Variants in AFAP1L2 observed in about 807,000 individuals in gnomAD.
AFAP1L2 encodes the protein actin filament-associated protein 1-like 2.
A neutral mutation model predicts 99.3 loss-of-function variants in AFAP1L2; 46 were observed. That is an observed-to-expected ratio of 0.46 (90% confidence interval 0.37 to 0.59). The LOEUF (loss-of-function observed/expected upper bound fraction) is 0.59, where lower values mean the gene tolerates loss of function less well. AFAP1L2 is among the 20% of genes least tolerant of loss of function. AFAP1L2 has a pLI of 0.00. For synonymous variants in AFAP1L2, 397 were observed against 419.1 expected (o/e 0.95, Z 0.64); for missense variants, 959 against 1,034.9 (o/e 0.93, Z 1.01).
rs991922367 is a variant in AFAP1L2 at position 114,400,180 on chromosome 10, G to A, written c.16+4260C>T. On this transcript the variant is annotated intron_variant, in intron 1 of 18. Coordinates refer to ENST00000304129, the MANE Select transcript of AFAP1L2 (RefSeq NM_001001936.3). Reference sequence around the variant, plus strand: ...AAAGAAACATTTCCCGTTATGAAAGGGAATTGGAAGAAAACTGGCACAGCT... The same window carrying A: ...AAAGAAACATTTCCCGTTATGAAAGAGAATTGGAAGAAAACTGGCACAGCT... Among the ~76,000 whole-genome samples, 42 of 152,296 alleles carry A rather than the reference G, an allele frequency of 2.8e-4. 1 individual carries two copies. The highest frequency in any genetic ancestry group is 1.2e-4 in the Non-Finnish European group (8 of 68,026).
intron 1 of AFAP1L2, among the ~76,000 whole-genome samples, chr10:114,387,696 T>C (rs376413840): frequency 1.2e-4 from 18 of 152,322 alleles, no homozygotes; most frequent in African/African-American, 3.6e-4. Context: ...TGTCCAAGCC[T>C]GATATGAACC....
the AFAP1L2 span, chr10:114,285,825 C>G: frequency 4.3e-6 from 5 of 1,172,994 alleles, no homozygotes; most frequent in South Asian, 6.5e-5. Context: ...GCTTGGGGGG[C>G]CCACAGTTTC....
chr10:114,349,849 T>C (rs2050197607), intron 1 of AFAP1L2, among the ~76,000 whole-genome samples: 1 of 152,160 alleles, frequency 6.6e-6, no homozygotes, highest in Non-Finnish European at 1.5e-5. Context: ...GCACTGTGAA[T>C]GCTCTGCTCC....
intron 7 of AFAP1L2, among the ~76,000 whole-genome samples, chr10:114,311,249 C>T (rs1267870034): frequency 6.6e-6 from 1 of 152,130 alleles, no homozygotes; most frequent in East Asian, 1.9e-4. Flanking sequence ...ACTATGAAAG[C>T]ATTGCCTCAG....
intron 1 of AFAP1L2, among the ~76,000 whole-genome samples, chr10:114,372,992 T>C (rs2054319790): frequency 6.6e-6 from 1 of 152,232 alleles, no homozygotes; most frequent in African/African-American, 2.4e-5. Flanking sequence ...ATGGAATGGA[T>C]GCAATGTATG....
intron 18 of AFAP1L2, chr10:114,296,682 C>T (rs151318623): frequency 9.2e-5 from 34 of 370,760 alleles, no homozygotes; most frequent in African/African-American, 6.2e-4. Flanking sequence ...ATAATCTGTC[C>T]CTGAGCTGCA....
At chr10:114,369,232 G>A (rs2053741264) in intron 1 of AFAP1L2, among the ~76,000 whole-genome samples, 1 of 152,078 alleles carries the variant, frequency 6.6e-6, no homozygotes, top group Non-Finnish European at 1.5e-5. Flanking sequence ...CAAGGTGGTG[G>A]GAAACATTGA....
At position 114,340,639 on chromosome 10, in the gene AFAP1L2, G is replaced by A; in HGVS notation, c.109C>T (p.Leu37=). The part of the protein sequence containing the change: ...SSTALVKKSC[L]AELLRLYTKS... Reference sequence around the variant, plus strand: ...GTGTAAAGCCGGAGGAGCTCCGCCAGGCAGCTCTTCTTCACCAGTGCTGTG... The same window carrying A: ...GTGTAAAGCCGGAGGAGCTCCGCCAAGCAGCTCTTCTTCACCAGTGCTGTG... Residue 37 remains leucine, a synonymous_variant, in exon 2 of 19, where the codon CTG becomes TTG. Transcript: ENST00000304129. 6.2e-7 allele frequency: 1 copy of A among 1,614,250 alleles called. No individual in the cohort carries two copies. Among genetic ancestry groups the A allele is most frequent in the East Asian group, 2.2e-5 (1 of 44,892 alleles).
At chr10:114,320,293 G>A (rs1590126223) in intron 5 of AFAP1L2, among the ~76,000 whole-genome samples, 1 of 152,286 alleles carries the variant, frequency 6.6e-6, no homozygotes, top group African/African-American at 2.4e-5. Flanking sequence ...AGCGGTGTGG[G>A]GATAGGGCTG....
chr10:114,315,678 G>A lies in AFAP1L2; in HGVS notation c.494C>T (p.Ser165Leu), dbSNP rs749119012. 4.3e-6 allele frequency: 7 copies of A among 1,613,702 alleles called. No individual in the cohort carries two copies. The highest frequency in any genetic ancestry group is 1.7e-4 in the Middle Eastern group (1 of 6,032). Residue 165 changes from serine (S) to leucine (L), a missense_variant, in exon 6 of 19, where the codon TCG becomes TTG. Ser to Leu is a moderately radical substitution (Grantham distance 145, BLOSUM62 -2). This residue lies in a region of AFAP1L2 where 383 missense variants were observed against 472.8 expected (regional missense o/e 0.81). Transcript: ENST00000304129. Reference sequence around the variant, plus strand: ...CATCAGCTCGATGCCGGCCTCCGGCGAGGGCCACTGGTAAGGGGCCGACTT... The same window carrying A: ...CATCAGCTCGATGCCGGCCTCCGGCAAGGGCCACTGGTAAGGGGCCGACTT... Reference protein sequence around the residue: ...KGKSAPYQWPSPEAGIELMRD... With the variant: ...KGKSAPYQWPLPEAGIELMRD...
At chr10:114,288,985 G>C in the AFAP1L2 span, 3 of 1,614,094 alleles carry the variant, frequency 1.9e-6, no homozygotes, top group Non-Finnish European at 2.5e-6. Context: ...GGACACCTCT[G>C]CCTCAGTAGG....
intron 15 of AFAP1L2, among the ~76,000 whole-genome samples, chr10:114,299,955 A>G (rs1200631144): frequency 6.6e-6 from 1 of 152,182 alleles, no homozygotes; most frequent in Non-Finnish European, 1.5e-5. Context: ...CCACAGACTG[A>G]AGGCTGCACT....
intron 10 of AFAP1L2, among the ~76,000 whole-genome samples, chr10:114,307,437 C>G (rs1244400640): frequency 6.6e-6 from 1 of 151,998 alleles, no homozygotes; most frequent in Non-Finnish European, 1.5e-5. Flanking sequence ...CTCCCTCAGG[C>G]AGGCTGTGAG....
At chr10:114,356,550 A>C (rs1425986576) in intron 1 of AFAP1L2, among the ~76,000 whole-genome samples, 1 of 152,254 alleles carries the variant, frequency 6.6e-6, no homozygotes, top group Non-Finnish European at 1.5e-5. Flanking sequence ...TTTAAATTTA[A>C]GTGTCATTAA....
intron 11 of AFAP1L2, among the ~76,000 whole-genome samples, chr10:114,304,311 G>A (rs1171907512): frequency 6.6e-6 from 1 of 152,176 alleles, no homozygotes; most frequent in Non-Finnish European, 1.5e-5. Context: ...TGGGGAGCGA[G>A]AGGAATGTAA....
intron 1 of AFAP1L2, among the ~76,000 whole-genome samples, chr10:114,368,811 CACACAG>C (rs1274410301): frequency 1.5e-5 from 2 of 131,404 alleles, no homozygotes; most frequent in Non-Finnish European, 3.3e-5. Flanking sequence ...CACACACACA[CACACAG>C]AGTAACTAAA....
chr10:114,363,169 G>C (rs2052689959), intron 1 of AFAP1L2: 1 of 985,318 alleles, frequency 1.0e-6, no homozygotes, highest in African/African-American at 1.7e-5. Flanking sequence ...GGGGAAACGG[G>C]TTCCTGGGAA....
At position 114,300,241 on chromosome 10, in the gene AFAP1L2, G is replaced by A; in HGVS notation, c.1910C>T (p.Pro637Leu). 3.1e-6 allele frequency: 5 copies of A among 1,614,200 alleles called. No individual in the cohort carries two copies. Among genetic ancestry groups the A allele is most frequent in the Non-Finnish European group, 4.2e-6 (5 of 1,180,034 alleles). The change falls in exon 15 of 19, where the codon CCT becomes CTT. Residue 637 changes from proline (P) to leucine (L), a missense_variant. Transcript: ENST00000304129. ...SCPDAVVATP[P>L]GASPPVKDRL... is the part of the protein sequence containing the mutation. The stretch of plus-strand genomic sequence containing the variant: ...GTCCTTCACAGGTGGGCTGGCACCA[G>A]GTGGGGTGGCCACCACGGCATCCGG...
intron 1 of AFAP1L2, among the ~76,000 whole-genome samples, chr10:114,395,542 C>CT (rs969720042): frequency 2.4e-4 from 37 of 152,030 alleles, no homozygotes; most frequent in Non-Finnish European, 3.7e-4. Flanking sequence ...ATTCAACAAT[C>CT]TTTTTTTTCT....
Sources: gnomAD v4.1 joint callset for allele counts (sites outside exome capture counted in the v4.1 genomes callset) on GRCh38, gnomAD v4.1.1 for gene constraint, gnomAD v4.1.1 regional missense constraint, MANE v1.5 for transcripts, NCBI Gene and HGNC (gene_info 2026-07-23, HGNC 2026-07-21) for gene names.